MAGI2: variants seen among roughly 807,000 people sequenced by gnomAD.
MAGI2 encodes membrane-associated guanylate kinase, WW and PDZ domain-containing protein 2.
Under a neutral mutation model 133.3 loss-of-function variants are expected in MAGI2, and 35 were observed. That is an observed-to-expected ratio of 0.26 (90% CI 0.20 to 0.35). The LOEUF is 0.35. Among genes scored for constraint, MAGI2 ranks in the 10% least tolerant of loss-of-function variants. The probability of loss-of-function intolerance (pLI) is 1.00; values close to 1 mark genes in which losing one functional copy is unlikely to be tolerated. For synonymous variants in MAGI2, 729 were observed against 710.6 expected (o/e 1.03, Z -0.41); for missense variants, 1,636 against 1,863.4 (o/e 0.88, Z 2.25).
chr7:78,577,247 T>C (rs1327783429), intron 3 of MAGI2, among the ~76,000 whole-genome samples: 2 of 152,138 alleles, frequency 1.3e-5, no homozygotes, highest in Non-Finnish European at 2.9e-5. Flanking sequence ...TAAAATGAGG[T>C]GATAAAAGTA....
chr7:78,879,747 C>T (rs1056975188), intron 2 of MAGI2, among the ~76,000 whole-genome samples: 4 of 151,566 alleles, frequency 2.6e-5, no homozygotes, highest in African/African-American at 9.7e-5. Flanking sequence ...AATGGAAACT[C>T]AGAAATAAAA....
intron 1 of MAGI2, among the ~76,000 whole-genome samples, chr7:79,268,578 T>A (rs1305387163): frequency 6.6e-6 from 1 of 152,188 alleles, no homozygotes; most frequent in Non-Finnish European, 1.5e-5. Context: ...ATTAAATGAT[T>A]TTTAATTTGG....
At chr7:78,307,243 C>T (rs532008854) in intron 9 of MAGI2, among the ~76,000 whole-genome samples, 27 of 152,250 alleles carry the variant, frequency 1.8e-4, no homozygotes, top group Non-Finnish European at 1.9e-4. Context: ...TACATATTTT[C>T]ACTCCTATTA....
rs577476205 is a variant in MAGI2, at chr7:78,211,922, G to C, written c.2048-10729C>G. ...GTTTTCATCCCATTGGAGTTTTCCA[G>C]TTCCTCCTGATCCTGGTTAGGTGAG... On this transcript the variant is annotated intron_variant, in intron 10 of 21. Coordinates refer to ENST00000354212, the MANE Select transcript of MAGI2 (RefSeq NM_012301.4). 2.6e-5 allele frequency among the ~76,000 whole-genome samples: 4 copies of C among 152,250 alleles called. No homozygotes were observed. The East Asian group carries it at 7.7e-4, about 29-fold the overall frequency.
chr7:79,127,527 G>C (rs1334154497), intron 1 of MAGI2, among the ~76,000 whole-genome samples: 1 of 152,112 alleles, frequency 6.6e-6, no homozygotes, highest in African/African-American at 2.4e-5. Flanking sequence ...TTGTGGTTTT[G>C]ATTTGCATTT....
At chr7:78,134,750 G>T (rs1821927441) in intron 17 of MAGI2, 1 of 316,114 alleles carries the variant, frequency 3.2e-6, no homozygotes, top group Non-Finnish European at 5.8e-6. Context: ...GGGAATGATT[G>T]AATAACCTGG....
chr7:78,349,973 A>G (rs1562868918), intron 7 of MAGI2, among the ~76,000 whole-genome samples: 1 of 152,250 alleles, frequency 6.6e-6, no homozygotes, highest in Non-Finnish European at 1.5e-5. Flanking sequence ...ATACAGAACA[A>G]GAAGCTGGGA....
intron 1 of MAGI2, among the ~76,000 whole-genome samples, chr7:79,346,296 A>G (rs1841308609): frequency 6.6e-6 from 1 of 152,094 alleles, no homozygotes; most frequent in Non-Finnish European, 1.5e-5. Context: ...AAATACTCAT[A>G]TAATTTCCTA....
intron 21 of MAGI2, among the ~76,000 whole-genome samples, chr7:78,070,214 T>TACACACACACAC (rs1310949637): frequency 3.8e-5 from 2 of 52,900 alleles, no homozygotes; most frequent in East Asian, 2.0e-3. Flanking sequence ...TATATATATA[T>TACACACACACAC]ATATACACAC....
intron 6 of MAGI2, among the ~76,000 whole-genome samples, chr7:78,482,606 A>G (rs1285232521): frequency 6.6e-6 from 1 of 151,884 alleles, no homozygotes; most frequent in Non-Finnish European, 1.5e-5. Flanking sequence ...TACACACACT[A>G]GAATGTATTT....
chr7:78,890,293 C>T (rs185527079), intron 2 of MAGI2, among the ~76,000 whole-genome samples: 1 of 151,874 alleles, frequency 6.6e-6, no homozygotes, highest in Non-Finnish European at 1.5e-5. Flanking sequence ...CTTTAACACC[C>T]CACTGTCAAC....
intron 2 of MAGI2, among the ~76,000 whole-genome samples, chr7:78,649,948 T>C (rs555914886): frequency 3.3e-5 from 5 of 152,318 alleles, no homozygotes; most frequent in African/African-American, 7.2e-5. Context: ...GACTCTCCTT[T>C]AGATCTTGTT....
Position 78,704,604 on chromosome 7 carries a change from G to A in MAGI2, c.419-77365C>T, listed in dbSNP as rs748422563. 2.6e-5 allele frequency among the ~76,000 whole-genome samples: 4 copies of A among 151,952 alleles called. No homozygotes were observed. In the East Asian group the frequency reaches 5.8e-4, roughly 22 times the overall value. On this transcript the variant is annotated intron_variant, in intron 2 of 21. Transcript: ENST00000354212. Reference sequence around the variant, plus strand: ...GGTATAGAGACACATGCATGCACATGTTCATCACAGCACTATTCACAACAG... The same window carrying A: ...GGTATAGAGACACATGCATGCACATATTCATCACAGCACTATTCACAACAG...
chr7:78,567,641 A>T (rs1801082862), intron 3 of MAGI2, among the ~76,000 whole-genome samples: 1 of 151,872 alleles, frequency 6.6e-6, no homozygotes, highest in South Asian at 2.1e-4. Context: ...TCTCTCCCCT[A>T]CTCAATAACA....
chr7:78,433,356 C>G (rs1440333848), intron 6 of MAGI2, among the ~76,000 whole-genome samples: 1 of 151,902 alleles, frequency 6.6e-6, no homozygotes, highest in African/African-American at 2.4e-5. Context: ...TTAAGGACAC[C>G]CTCTAATTGT....
At chr7:78,826,670 A>T (rs1340726887) in intron 2 of MAGI2, among the ~76,000 whole-genome samples, 1 of 152,216 alleles carries the variant, frequency 6.6e-6, no homozygotes, top group Non-Finnish European at 1.5e-5. Context: ...AAAATTGTTT[A>T]GGAGGTCAGG....
At chr7:78,513,921 T>A (rs1051588661) in intron 4 of MAGI2, among the ~76,000 whole-genome samples, 1 of 151,768 alleles carries the variant, frequency 6.6e-6, no homozygotes, top group Admixed American at 6.6e-5. Flanking sequence ...AAACCCCATC[T>A]CTACTAAAAA....
At chr7:79,029,859 T>C (rs1810390750) in intron 1 of MAGI2, among the ~76,000 whole-genome samples, 1 of 152,164 alleles carries the variant, frequency 6.6e-6, no homozygotes, top group African/African-American at 2.4e-5. Flanking sequence ...AGAGATGTAA[T>C]GTTTACTCTG....
At chr7:79,149,472 C>T (rs1053156197) in intron 1 of MAGI2, among the ~76,000 whole-genome samples, 74 of 152,100 alleles carry the variant, frequency 4.9e-4, no homozygotes, top group African/African-American at 1.5e-3. Flanking sequence ...GGATGAACCA[C>T]GCAGATATGC....
Sources: gnomAD v4.1 joint callset for allele counts (sites outside exome capture counted in the v4.1 genomes callset) on GRCh38, gnomAD v4.1.1 for gene constraint, MANE v1.5 for transcripts, NCBI Gene and HGNC (gene_info 2026-07-23, HGNC 2026-07-21) for gene names.